Variants in CEP162 observed in about 807,000 individuals in gnomAD.
CEP162 encodes the protein centrosomal protein 162, also known as centrosomal protein of 162 kDa.
In CEP162, 141 loss-of-function variants were observed where a neutral mutation model predicts 169.2. That is an observed-to-expected ratio of 0.83 (90% CI 0.73 to 0.96). CEP162 has a LOEUF of 0.96. Ranked by LOEUF, CEP162 falls within the 40% of genes least tolerant of loss-of-function variation. CEP162 has a pLI of 0.00. For missense variants in CEP162, 1,600 were observed against 1,587.2 expected (o/e 1.01, Z -0.14); for synonymous variants, 540 against 526.4 (o/e 1.03, Z -0.35).
At chr6:84,192,891 T>C (rs1375293228) in intron 11 of CEP162, among the ~76,000 whole-genome samples, 2 of 152,190 alleles carry the variant, frequency 1.3e-5, no homozygotes, top group Non-Finnish European at 2.9e-5. Context: ...TGCTGTAAGG[T>C]TAAATTAAAT....
intron 7 of CEP162, among the ~76,000 whole-genome samples, chr6:84,203,018 C>T (rs1439391757): frequency 6.6e-6 from 1 of 152,068 alleles, no homozygotes; most frequent in Non-Finnish European, 1.5e-5. Context: ...CACACAGTAC[C>T]AAAGAGACTG....
chr6:84,224,138 T>C (rs2099554808), intron 2 of CEP162, among the ~76,000 whole-genome samples: 1 of 152,178 alleles, frequency 6.6e-6, no homozygotes, highest in African/African-American at 2.4e-5. Context: ...AGAACCCAGA[T>C]GTCCGTCAAC....
intron 23 of CEP162, among the ~76,000 whole-genome samples, chr6:84,151,386 G>T (rs983841727): frequency 6.6e-6 from 1 of 152,034 alleles, no homozygotes; most frequent in Non-Finnish European, 1.5e-5. Flanking sequence ...AGGAATAACA[G>T]AGATAAAGCT....
rs150227435 is a variant in CEP162, at chr6:84,169,924, G to C, written c.2280-491C>G. 3.0e-3 allele frequency among the ~76,000 whole-genome samples: 450 copies of C among 152,188 alleles called. 2 individuals are homozygous for C. The highest frequency in any genetic ancestry group is 9.9e-3 in the African/African-American group (411 of 41,512). On this transcript the variant is annotated intron_variant, in intron 17 of 26. Transcript: ENST00000403245. ...AGAAGGAGTTTTGGATTCCACATAA[G>C]ATCATCTAACCCTAATGTACTAAAG...
chr6:84,163,046 A>G, intron 19 of CEP162, 98 bp downstream of exon 19: 1 of 1,109,286 alleles, frequency 9.0e-7, no homozygotes, highest in South Asian at 1.7e-5. Context: ...TACTTCAAGG[A>G]GTAGCATTTT....
In CEP162 at chr6:84,141,102, T is replaced by C. The variant is rs115479212; in HGVS notation, c.3870+5585A>G. ...GGAGGCGGAGATCAGGCAGTAATGC[T>C]CACTCGCCCCCTGCTCATCTGCTGA... On this transcript the variant is annotated intron_variant, in intron 25 of 26. Transcript: ENST00000403245. Among the ~76,000 whole-genome samples the C allele has an allele frequency of 3.0e-3, 458 of 150,930 alleles. 2 individuals carry two copies. Among genetic ancestry groups the C allele is most frequent in the African/African-American group, 0.01 (418 of 40,238 alleles).
chr6:84,151,048 GAAAT>G (rs951177907), intron 23 of CEP162, among the ~76,000 whole-genome samples: 3 of 152,068 alleles, frequency 2.0e-5, no homozygotes, highest in African/African-American at 7.2e-5. Flanking sequence ...GAAGTTCCAC[GAAAT>G]GTTTTGTGAA....
chr6:84,218,850 G>A (rs1036877714), intron 3 of CEP162, among the ~76,000 whole-genome samples: 7 of 152,218 alleles, frequency 4.6e-5, no homozygotes, highest in African/African-American at 1.2e-4. Context: ...TTGGTGTGCT[G>A]TAGTGGCAAC....
At chr6:84,174,004 A>G (rs1311944826) in intron 16 of CEP162, 44 bp downstream of exon 16, 12 of 1,558,022 alleles carry the variant, frequency 7.7e-6, no homozygotes, top group Non-Finnish European at 1.1e-5. Flanking sequence ...TTTATAACTA[A>G]AAGATCAAGA....
At position 84,126,361 on chromosome 6, in the gene CEP162, A is replaced by C; in HGVS notation, c.4005+17T>G. ...AAGTAAAGACCTATATAAATATGTA[A>C]ATGTGATTTACTTTACCTGTTGAAG... On this transcript the variant is annotated intron_variant, in intron 26 of 26. Coordinates refer to ENST00000403245, the MANE Select transcript of CEP162 (RefSeq NM_014895.4). 1.3e-6 allele frequency: 2 copies of C among 1,558,924 alleles called. No individual in the cohort carries two copies. Among genetic ancestry groups the C allele is most frequent in the Non-Finnish European group, 1.7e-6 (2 of 1,156,234 alleles).
intron 8 of CEP162, among the ~76,000 whole-genome samples, chr6:84,201,450 T>C (rs902763390): frequency 6.6e-6 from 1 of 151,892 alleles, no homozygotes; most frequent in Non-Finnish European, 1.5e-5. Context: ...CTTCTTCCGA[T>C]GTAGAAGACA....
At chr6:84,142,955 A>T (rs1477513164) in intron 25 of CEP162, among the ~76,000 whole-genome samples, 1 of 152,134 alleles carries the variant, frequency 6.6e-6, no homozygotes, top group Non-Finnish European at 1.5e-5. Context: ...TTTCATAAGC[A>T]ATCCAAGCAT....
intron 1 of CEP162, among the ~76,000 whole-genome samples, chr6:84,227,094 T>G (rs1046832246): frequency 5.9e-5 from 9 of 152,190 alleles, no homozygotes; most frequent in Non-Finnish European, 1.3e-4. Flanking sequence ...AATTATGTGC[T>G]GAACACAAGC....
rs750485698 is a variant in CEP162 at position 84,161,796 on chromosome 6, C to A, written c.2626G>T (p.Ala876Ser). ...TCATTTGCTTCTCTAAGCCGAAGTG[C>A]ATCTTTATCCAGAAGTTCCTGATTT... ...AENQELLDKD[A>S]LRLREANEEI... The change falls in exon 20 of 27, where the codon GCA (alanine) becomes TCA (serine). Residue 876 changes from alanine to serine, a missense_variant. Physicochemically the swap from Ala to Ser is moderately conservative, Grantham distance 99 (BLOSUM62 1). Transcript: ENST00000403245. The A allele has an allele frequency of 1.9e-5, 31 of 1,601,590 alleles. No individual in the cohort carries two copies. The Middle Eastern group carries it at 8.3e-4, about 43-fold the overall frequency.
At chr6:84,171,249 T>C (rs935282444) in intron 17 of CEP162, among the ~76,000 whole-genome samples, 1 of 152,212 alleles carries the variant, frequency 6.6e-6, no homozygotes, top group Admixed American at 6.5e-5. Flanking sequence ...ATGACCATTC[T>C]TTTTTAGTAT....
At chr6:84,214,185 AG>A (rs1471032378) in intron 5 of CEP162, among the ~76,000 whole-genome samples, 1 of 152,198 alleles carries the variant, frequency 6.6e-6, no homozygotes, top group Non-Finnish European at 1.5e-5. Context: ...AGGCTGAGGC[AG>A]GAGAATGGTG....
intron 7 of CEP162, among the ~76,000 whole-genome samples, 193 bp from the exon 8 acceptor site, chr6:84,201,960 G>C (rs2099544699): frequency 1.3e-5 from 2 of 152,260 alleles, no homozygotes; most frequent in South Asian, 4.1e-4. Context: ...AGCTCTGACA[G>C]AATGTCTAAA....
intron 13 of CEP162, among the ~76,000 whole-genome samples, chr6:84,175,732 GA>G (rs1417758498): frequency 2.0e-5 from 3 of 152,142 alleles, no homozygotes; most frequent in Non-Finnish European, 4.4e-5. Flanking sequence ...AGGAGCAGCT[GA>G]TAACATTATG....
chr6:84,187,035 T>C (rs1238280403), intron 11 of CEP162, among the ~76,000 whole-genome samples: 1 of 152,136 alleles, frequency 6.6e-6, no homozygotes, highest in Non-Finnish European at 1.5e-5. Context: ...TAAACATTTC[T>C]AGAAGAAACT....
Sources: gnomAD v4.1 joint callset for allele counts (sites outside exome capture counted in the v4.1 genomes callset) on GRCh38, gnomAD v4.1.1 for gene constraint, MANE v1.5 for transcripts, NCBI Gene and HGNC (gene_info 2026-07-23, HGNC 2026-07-21) for gene names.